CFAP20DC: variants seen among roughly 807,000 people sequenced by gnomAD.
CFAP20DC encodes CFAP20 domain containing.
A neutral mutation model predicts 101.7 loss-of-function variants in CFAP20DC; 84 were observed. That is an observed-to-expected ratio of 0.83 (90% confidence interval 0.69 to 0.99). The LOEUF (loss-of-function observed/expected upper bound fraction) is 0.99, where lower values mean the gene tolerates loss of function less well. Ranked by LOEUF, CFAP20DC falls within the 50% of genes least tolerant of loss-of-function variation. CFAP20DC has a pLI of 0.00. For missense variants in CFAP20DC, 1,007 were observed against 970.3 expected, an observed-to-expected ratio of 1.04 and a Z score of -0.50; for synonymous variants, 359 against 351.2, an observed-to-expected ratio of 1.02 and a Z score of -0.25.
intron 14 of CFAP20DC, among the ~76,000 whole-genome samples, chr3:58,828,057 A>AG (rs2076162553): frequency 6.6e-6 from 1 of 152,138 alleles, no homozygotes; most frequent in South Asian, 2.1e-4. Flanking sequence ...GAGTGCATCT[A>AG]GGGACTACAG....
intron 3 of CFAP20DC, among the ~76,000 whole-genome samples, chr3:58,730,728 A>G (rs983854188): frequency 4.6e-5 from 7 of 152,202 alleles, no homozygotes; most frequent in Non-Finnish European, 8.8e-5. Context: ...TTGAAAAATT[A>G]TTTTAGCCTC....
At chr3:58,808,737 A>G (rs1221061818) in intron 14 of CFAP20DC, among the ~76,000 whole-genome samples, 14 of 152,286 alleles carry the variant, frequency 9.2e-5, no homozygotes, top group African/African-American at 2.9e-4. Context: ...ATGTAAATGG[A>G]CTAAATGCTC....
chr3:58,817,350 G>A (rs1410229939), intron 14 of CFAP20DC, among the ~76,000 whole-genome samples: 2 of 151,946 alleles, frequency 1.3e-5, no homozygotes, highest in Non-Finnish European at 2.9e-5. Flanking sequence ...CTGAGCTATG[G>A]GAGGACATTC....
chr3:58,879,357 T>C (rs529629850), intron 7 of CFAP20DC, among the ~76,000 whole-genome samples: 2 of 152,326 alleles, frequency 1.3e-5, no homozygotes, highest in East Asian at 3.9e-4. Flanking sequence ...TGATGGTATC[T>C]ACATAAAAGG....
chr3:58,918,903 T>A lies in CFAP20DC; in HGVS notation c.394-5039A>T, dbSNP rs569676662. ...ATATTTAAGTACATGCAAACACTTATAAAAGTACCTGGGACATCATTTGTG... is the reference window on the plus strand; with the variant it reads ...ATATTTAAGTACATGCAAACACTTAAAAAAGTACCTGGGACATCATTTGTG... On this transcript the variant is annotated intron_variant, in intron 5 of 16. Transcript: ENST00000482387. Among the ~76,000 whole-genome samples, 299 of 152,318 alleles carry A rather than the reference T, an allele frequency of 2.0e-3. 2 individuals carry two copies. The highest frequency in any genetic ancestry group is 6.8e-3 in the Middle Eastern group (2 of 294).
At position 58,964,801 on chromosome 3, in the gene CFAP20DC, T is replaced by C. The variant is rs1323807545; in HGVS notation, c.279-27039A>G. 6.6e-6 allele frequency among the ~76,000 whole-genome samples: 1 copy of C among 152,174 alleles called. No homozygotes were observed. Among genetic ancestry groups the C allele is most frequent in the African/African-American group, 2.4e-5 (1 of 41,448 alleles). Reference sequence around the variant, plus strand: ...CTATTAGATTTTGGTGATTACATCATTGTATACTGATTTTTGCAGGTATTT... The same window carrying C: ...CTATTAGATTTTGGTGATTACATCACTGTATACTGATTTTTGCAGGTATTT... On this transcript the variant is annotated intron_variant, in intron 4 of 16. Transcript: ENST00000482387. This position sits in a 1 kb window ranked among gnomAD's most constrained non-coding sequence, Gnocchi z 4.1.
At chr3:58,981,408 A>T (rs990490196) in intron 4 of CFAP20DC, among the ~76,000 whole-genome samples, 1 of 152,172 alleles carries the variant, frequency 6.6e-6, no homozygotes, top group Non-Finnish European at 1.5e-5. Context: ...AGTCAATCCT[A>T]AGCCAAAAGA....
At chr3:58,884,934 G>A (rs1406690853) in intron 6 of CFAP20DC, among the ~76,000 whole-genome samples, 1 of 152,104 alleles carries the variant, frequency 6.6e-6, no homozygotes, top group Non-Finnish European at 1.5e-5. Context: ...TACACTATAT[G>A]GAGCAAGTTC....
At chr3:58,769,738 G>A (rs562780888) in intron 15 of CFAP20DC, among the ~76,000 whole-genome samples, 26 of 152,264 alleles carry the variant, frequency 1.7e-4, no homozygotes, top group Middle Eastern at 3.4e-3. Flanking sequence ...GTGACATCTG[G>A]AATAGGATCA....
At chr3:58,970,458 G>A (rs376290896) in intron 4 of CFAP20DC, 28 of 152,288 alleles carry the variant, frequency 1.8e-4, no homozygotes, top group African/African-American at 6.0e-4. Flanking sequence ...AAAGACTGCT[G>A]GCAATTGCCA....
chr3:58,854,122 A>T (rs1373799999), intron 12 of CFAP20DC, among the ~76,000 whole-genome samples: 5 of 152,092 alleles, frequency 3.3e-5, no homozygotes, highest in Non-Finnish European at 5.9e-5. Flanking sequence ...AAGCTGATGA[A>T]CAACTTCAGC....
At chr3:58,932,291 G>A (rs372630438) in intron 5 of CFAP20DC, among the ~76,000 whole-genome samples, 1 of 152,212 alleles carries the variant, frequency 6.6e-6, no homozygotes, top group Non-Finnish European at 1.5e-5. Context: ...CCAAATCTAC[G>A]TTTGATTGGT....
chr3:58,719,424 G>A (rs191850963), intron 3 of CFAP20DC, among the ~76,000 whole-genome samples: 47 of 152,328 alleles, frequency 3.1e-4, no homozygotes, highest in African/African-American at 1.1e-3. Context: ...TACCTGTCAT[G>A]TAGTAGATGC....
chr3:58,897,431 G>C lies in CFAP20DC; in HGVS notation c.551-12722C>G, dbSNP rs1423836596. On this transcript the variant is annotated intron_variant, in intron 6 of 16. Coordinates refer to ENST00000482387, the MANE Select transcript of CFAP20DC (RefSeq NM_001394063.1). The surrounding 1 kb of genome is among the most constrained non-coding windows in gnomAD (Gnocchi z 4.4). The stretch of plus-strand genomic sequence containing the variant: ...CAACATGATAGCTGGTTATTTTGCA[G>C]ATTTGTTTATGTGGTTGCTTCAATG... Among the ~76,000 whole-genome samples the C allele has an allele frequency of 2.6e-5, 4 of 152,168 alleles. No homozygotes were observed. The highest frequency in any genetic ancestry group is 5.9e-5 in the Non-Finnish European group (4 of 68,032).
chr3:59,035,729 A>G (rs2094088275), intron 4 of CFAP20DC, among the ~76,000 whole-genome samples: 2 of 152,206 alleles, frequency 1.3e-5, no homozygotes, highest in Admixed American at 6.5e-5. Context: ...AAGAAAGCCC[A>G]GAACCAGACA....
rs2080604822 is a variant in CFAP20DC, at chr3:58,874,843, TC to T, written c.716-4535del. Among the ~76,000 whole-genome samples the T allele has an allele frequency of 6.6e-6, 1 of 152,192 alleles. No individual in the cohort carries two copies. ...ACATAAACTCAGTGGCCTGCTTCTG[TC>T]ACCCTGAACTGCCAGCACCTAGCCC... is the stretch of plus-strand genomic sequence containing the variant. On this transcript the variant is annotated intron_variant, in intron 7 of 16. Transcript: ENST00000482387. The surrounding 1 kb of genome is among the most constrained non-coding windows in gnomAD (Gnocchi z 5.1).
chr3:58,819,521 C>A (rs1465816483), intron 14 of CFAP20DC, among the ~76,000 whole-genome samples: 1 of 149,874 alleles, frequency 6.7e-6, no homozygotes, highest in Non-Finnish European at 1.5e-5. Context: ...CACCTCTACG[C>A]AAATAAACTA....
intron 15 of CFAP20DC, among the ~76,000 whole-genome samples, chr3:58,764,177 G>A (rs1575584345): frequency 6.6e-6 from 1 of 152,182 alleles, no homozygotes; most frequent in Non-Finnish European, 1.5e-5. Context: ...GCTGCAGTGG[G>A]CTCCACCCAG....
At chr3:58,889,464 A>G (rs1453009317) in intron 6 of CFAP20DC, among the ~76,000 whole-genome samples, 1 of 152,178 alleles carries the variant, frequency 6.6e-6, no homozygotes, top group Non-Finnish European at 1.5e-5. Context: ...CCATGCAAAC[A>G]GAACTGAGAG....
Sources: gnomAD v4.1 joint callset for allele counts (sites outside exome capture counted in the v4.1 genomes callset) on GRCh38, gnomAD v4.1.1 for gene constraint, Gnocchi (gnomAD v3.1) non-coding constraint, MANE v1.5 for transcripts, NCBI Gene and HGNC (gene_info 2026-07-23, HGNC 2026-07-21) for gene names.